Variants in DOCK1 observed in about 807,000 individuals in gnomAD.
DOCK1 encodes the protein dedicator of cytokinesis protein 1.
Under a neutral mutation model 262.7 loss-of-function variants are expected in DOCK1, and 138 were observed. That is an observed-to-expected ratio of 0.53 (90% CI 0.46 to 0.61). The LOEUF (loss-of-function observed/expected upper bound fraction) is 0.61. Among genes scored for constraint, DOCK1 ranks in the 20% least tolerant of loss-of-function variants. The pLI is 0.00. For missense variants in DOCK1, 1,908 were observed against 2,370.7 expected, an observed-to-expected ratio of 0.80 and a Z score of 4.05; for synonymous variants, 866 against 867.4, an observed-to-expected ratio of 1.00 and a Z score of 0.03.
At chr10:127,062,796 A>C (rs891062886) in intron 23 of DOCK1, among the ~76,000 whole-genome samples, 1 of 152,238 alleles carries the variant, frequency 6.6e-6, no homozygotes, top group African/African-American at 2.4e-5. Flanking sequence ...CAGGGTGTCC[A>C]TGCCCTGGAA....
At chr10:127,267,899 C>T (rs1212846307) in intron 29 of DOCK1, among the ~76,000 whole-genome samples, 2 of 152,140 alleles carry the variant, frequency 1.3e-5, no homozygotes, top group Non-Finnish European at 2.9e-5. Context: ...ACGTCTAGAA[C>T]AGGAGGAAGA....
At chr10:127,119,399 A>C (rs1171398533) in intron 25 of DOCK1, among the ~76,000 whole-genome samples, 1 of 152,144 alleles carries the variant, frequency 6.6e-6, no homozygotes, top group African/African-American at 2.4e-5. Context: ...TGCAGTCCTG[A>C]AGGTCCCTTC....
chr10:127,125,425 T>TG, intron 25 of DOCK1, 49 bp from the exon 26 acceptor site: 1 of 1,606,102 alleles, frequency 6.2e-7, no homozygotes, highest in Non-Finnish European at 8.5e-7. Context: ...AAACACGAGT[T>TG]GCGTCTTGGT....
intron 29 of DOCK1, among the ~76,000 whole-genome samples, chr10:127,280,412 GT>G (rs954724352): frequency 6.6e-6 from 1 of 151,816 alleles, no homozygotes; most frequent in Non-Finnish European, 1.5e-5. Context: ...ATTTTTTAAG[GT>G]TTTTTTTATT....
chr10:127,020,787 G>A (rs529556154), intron 13 of DOCK1, among the ~76,000 whole-genome samples: 16 of 152,216 alleles, frequency 1.1e-4, no homozygotes, highest in East Asian at 5.8e-4. Context: ...GAGTATGGGC[G>A]GTTATCAGTC....
chr10:126,926,542 C>G (rs549698042), intron 1 of DOCK1, among the ~76,000 whole-genome samples: 1 of 152,280 alleles, frequency 6.6e-6, no homozygotes, highest in African/African-American at 2.4e-5. Context: ...GTTGAGTCCC[C>G]TGAAAAGACA....
intron 27 of DOCK1, chr10:127,137,912 A>G (rs761394614): frequency 1.2e-6 from 2 of 1,614,132 alleles, no homozygotes; most frequent in South Asian, 1.1e-5. Context: ...TTGAGGAGTA[A>G]GTCTCCTGAG....
intron 19 of DOCK1, among the ~76,000 whole-genome samples, chr10:127,039,930 C>T (rs368936935): frequency 6.6e-6 from 1 of 152,288 alleles, no homozygotes; most frequent in South Asian, 2.1e-4. Flanking sequence ...GGGTGGGGTG[C>T]CAGATGAAGC....
intron 29 of DOCK1, among the ~76,000 whole-genome samples, chr10:127,301,237 T>C (rs1384166724): frequency 6.6e-6 from 1 of 152,178 alleles, no homozygotes; most frequent in Non-Finnish European, 1.5e-5. Context: ...TAGGCGGAAG[T>C]GCAGGTTAGG....
At chr10:126,964,213 A>G (rs2037491910) in intron 1 of DOCK1, among the ~76,000 whole-genome samples, 2 of 152,142 alleles carry the variant, frequency 1.3e-5, no homozygotes, top group Admixed American at 1.3e-4. Context: ...GTTTCTCTCT[A>G]CATGGTGTTT....
chr10:127,262,382 T>C (rs1211542162), intron 29 of DOCK1, among the ~76,000 whole-genome samples: 1 of 152,124 alleles, frequency 6.6e-6, no homozygotes, highest in African/African-American at 2.4e-5. Flanking sequence ...CCTATCCCAG[T>C]TGACACATTC....
intron 29 of DOCK1, among the ~76,000 whole-genome samples, chr10:127,325,734 CA>C (rs1286312128): frequency 6.6e-6 from 1 of 152,192 alleles, no homozygotes; most frequent in Non-Finnish European, 1.5e-5. Context: ...TATGAAAAGG[CA>C]GCAGATTTTA....
chr10:127,102,938 G>A (rs2048333807), intron 23 of DOCK1, among the ~76,000 whole-genome samples: 1 of 152,178 alleles, frequency 6.6e-6, no homozygotes, highest in South Asian at 2.1e-4. Flanking sequence ...TCCCACGGGA[G>A]GGCCCCTGAG....
At chr10:126,950,600 G>A (rs993920585) in intron 1 of DOCK1, among the ~76,000 whole-genome samples, 45 of 152,194 alleles carry the variant, frequency 3.0e-4, no homozygotes, top group African/African-American at 8.2e-4. Context: ...TGTTGTGGAC[G>A]CAGCAGTACA....
chr10:127,438,885 T>TAG, intron 48 of DOCK1, 142 bp from the exon 49 acceptor site: 1 of 763,990 alleles, frequency 1.3e-6, no homozygotes, highest in South Asian at 1.9e-5. Context: ...GGTGACTGTG[T>TAG]ATCTGAAGTC....
intron 29 of DOCK1, among the ~76,000 whole-genome samples, chr10:127,261,538 GGT>G (rs745945561): frequency 1.8e-4 from 18 of 98,472 alleles, no homozygotes; most frequent in South Asian, 3.7e-4. Context: ...TGTGCATGTG[GGT>G]GTGTGTGTAC....
At chr10:127,418,262 G>T in intron 44 of DOCK1, 103 bp from the exon 45 acceptor site, 1 of 1,291,822 alleles carries the variant, frequency 7.7e-7, no homozygotes, top group Non-Finnish European at 1.0e-6. Flanking sequence ...AAAGGTTCAC[G>T]GAGGAGCAGG....
At chr10:126,975,764 C>T (rs1565022110) in intron 2 of DOCK1, among the ~76,000 whole-genome samples, 1 of 149,594 alleles carries the variant, frequency 6.7e-6, no homozygotes, top group South Asian at 2.2e-4. Context: ...ATTACAGGTG[C>T]ACGCCACCAC....
At chr10:127,362,964 CA>C in intron 33 of DOCK1, among the ~76,000 whole-genome samples, 4 of 14,026 alleles carry the variant, frequency 2.9e-4, no homozygotes, top group Non-Finnish European at 5.5e-4. Context: ...TGTGCATCCC[CA>C]CATACACATA....
Sources: gnomAD v4.1 joint callset for allele counts (sites outside exome capture counted in the v4.1 genomes callset) on GRCh38, gnomAD v4.1.1 for gene constraint, MANE v1.5 for transcripts, NCBI Gene and HGNC (gene_info 2026-07-23, HGNC 2026-07-21) for gene names.